The following MANEA variants were observed in gnomAD, a reference collection of about 807,000 sequenced individuals.
MANEA encodes mannosidase endo-alpha.
Under a neutral mutation model 36.8 loss-of-function variants are expected in MANEA, and 25 were observed. The observed-to-expected ratio is 0.68, with a 90% CI of 0.50 to 0.95. The LOEUF is 0.95. Ranked by LOEUF, MANEA falls within the 40% of genes least tolerant of loss-of-function variation. The pLI is 0.00. For missense variants in MANEA, 565 were observed against 558.8 expected, an observed-to-expected ratio of 1.01 and a Z score of -0.11; for synonymous variants, 198 against 188.5, an observed-to-expected ratio of 1.05 and a Z score of -0.41.
intron 1 of MANEA, among the ~76,000 whole-genome samples, chr6:95,578,898 G>T (rs1769126113): frequency 6.6e-6 from 1 of 152,098 alleles, no homozygotes; most frequent in Non-Finnish European, 1.5e-5. Context: ...AATTTGATTT[G>T]TCTAATACCT....
intron 2 of MANEA, among the ~76,000 whole-genome samples, chr6:95,590,484 G>T (rs1305022946): frequency 6.6e-6 from 1 of 152,000 alleles, no homozygotes. Flanking sequence ...TTTTAGTAAG[G>T]TTACAATTCT....
rs1192337263 is a variant in MANEA at position 95,606,777 on chromosome 6, T to G, written c.*372T>G. The G allele has an allele frequency of 1.3e-5, 2 of 153,430 alleles. No homozygotes were observed. Among genetic ancestry groups the G allele is most frequent in the East Asian group, 3.8e-4 (2 of 5,220 alleles). The allele number at this position is 153,430 out of a possible 1,614,324, so 9.5% of individuals were successfully genotyped here. On this transcript the variant is annotated 3_prime_UTR_variant, in exon 5 of 5. Coordinates refer to ENST00000358812, the MANE Select transcript of MANEA (RefSeq NM_024641.4). Reference sequence around the variant, plus strand: ...TCCTAGACCCAAATAAATAGGATTGTGTGTATATTTGGGATATCTATTGAA... The same window carrying G: ...TCCTAGACCCAAATAAATAGGATTGGGTGTATATTTGGGATATCTATTGAA...
chr6:95,595,313 G>A (rs1228111434), intron 2 of MANEA, among the ~76,000 whole-genome samples: 4 of 152,062 alleles, frequency 2.6e-5, no homozygotes, highest in South Asian at 2.1e-4. Flanking sequence ...ATGTTGGATT[G>A]TCTCCAGACA....
intron 1 of MANEA, 129 bp downstream of exon 1, chr6:95,577,767 C>T (rs1052701505): frequency 3.9e-5 from 6 of 152,392 alleles, no homozygotes; most frequent in African/African-American, 1.2e-4. Flanking sequence ...CTCCGGGCGC[C>T]CTTTGACCCG....
chr6:95,579,249 T>G (rs1242367003), intron 1 of MANEA, among the ~76,000 whole-genome samples: 1 of 152,158 alleles, frequency 6.6e-6, no homozygotes, highest in African/African-American at 2.4e-5. Flanking sequence ...AGCGTGCGCC[T>G]GTAGTCCCAG....
At chr6:95,578,659 C>G (rs1182966625) in intron 1 of MANEA, among the ~76,000 whole-genome samples, 3 of 152,090 alleles carry the variant, frequency 2.0e-5, no homozygotes, top group Non-Finnish European at 2.9e-5. Flanking sequence ...AACAAAAAAT[C>G]ACAACAATGA....
In MANEA at chr6:95,606,443, A is replaced by C; in HGVS notation, c.*38A>C. On this transcript the variant is annotated 3_prime_UTR_variant, in exon 5 of 5. Coordinates refer to ENST00000358812, the MANE Select transcript of MANEA (RefSeq NM_024641.4). The stretch of plus-strand genomic sequence containing the variant: ...AGTTTAATAGTTATCAAAATCACCT[A>C]ATTTTTAAAAATAGCTTTCGTTTTG... The C allele has an allele frequency of 6.9e-7, 1 of 1,453,126 alleles. No homozygotes were observed. The highest frequency in any genetic ancestry group is 9.2e-7 in the Non-Finnish European group (1 of 1,086,298). The allele number at this position is 1,453,126 out of a possible 1,614,324, so 90.0% of individuals were successfully genotyped here.
chr6:95,605,913 T>C lies in MANEA; in HGVS notation c.897T>C (p.Phe299=), dbSNP rs372725937. The stretch of plus-strand genomic sequence containing the variant: ...GCAATTCTCCTTATGATGGACTGTT[T>C]ATTGCCCTTCTGGTAGAAGAAAAAC... ...SIRNSPYDGL[F]IALLVEEKHK... Residue 299 remains phenylalanine (F), a synonymous_variant, in exon 5 of 5, where the codon TTT becomes TTC. Transcript: ENST00000358812. The C allele has an allele frequency of 7.8e-5, 126 of 1,613,946 alleles. No homozygotes were observed. In the African/African-American group the frequency reaches 1.6e-3, roughly 20 times the overall value.
rs1343122121 is a variant in MANEA, at chr6:95,605,915, T to C, written c.899T>C (p.Ile300Thr). 1.2e-6 allele frequency: 2 copies of C among 1,613,986 alleles called. No homozygotes were observed. Among genetic ancestry groups the C allele is most frequent in the Non-Finnish European group, 1.7e-6 (2 of 1,179,996 alleles). Residue 300 changes from isoleucine to threonine, a missense_variant, in exon 5 of 5, where the codon ATT (isoleucine) becomes ACT (threonine). By Grantham distance (89) the Ile-to-Thr change is moderately conservative (BLOSUM62 -1). Coordinates refer to ENST00000358812, the MANE Select transcript of MANEA (RefSeq NM_024641.4). The part of the protein sequence containing the change: ...IRNSPYDGLF[I>T]ALLVEEKHKY... ...AATTCTCCTTATGATGGACTGTTTA[T>C]TGCCCTTCTGGTAGAAGAAAAACAT...
intron 1 of MANEA, among the ~76,000 whole-genome samples, chr6:95,578,388 A>T (rs1769114239): frequency 6.6e-6 from 1 of 152,232 alleles, no homozygotes; most frequent in African/African-American, 2.4e-5. Context: ...CTATAAAACA[A>T]CAACAAGGGG....
intron 1 of MANEA, among the ~76,000 whole-genome samples, chr6:95,578,386 C>T (rs574240198): frequency 4.7e-5 from 7 of 148,672 alleles, no homozygotes; most frequent in African/African-American, 1.7e-4. Flanking sequence ...TGCTATAAAA[C>T]AACAACAAGG....
chr6:95,587,390 A>G (rs1214079520), intron 2 of MANEA: 2 of 182,506 alleles, frequency 1.1e-5, no homozygotes. Context: ...AAGTCTCATC[A>G]TAATTCCTTT....
intron 4 of MANEA, among the ~76,000 whole-genome samples, chr6:95,605,167 T>C (rs919996259): frequency 5.3e-4 from 80 of 152,266 alleles, no homozygotes; most frequent in African/African-American, 1.9e-3. Context: ...GTAGTTTTGA[T>C]ATTTTAAAAT....
intron 3 of MANEA, among the ~76,000 whole-genome samples, chr6:95,602,998 G>A (rs934635906): frequency 1.4e-4 from 19 of 137,620 alleles, no homozygotes; most frequent in African/African-American, 4.7e-4. Context: ...CCGCAGTCCG[G>A]CCTGGGCGAC....
intron 2 of MANEA, chr6:95,587,195 G>T: frequency 2.1e-6 from 1 of 474,818 alleles, no homozygotes; most frequent in South Asian, 5.2e-5. Context: ...TTTACATTTT[G>T]GAGCATTTCT....
chr6:95,584,770 C>T (rs890845395), intron 1 of MANEA, among the ~76,000 whole-genome samples: 13 of 152,068 alleles, frequency 8.5e-5, no homozygotes, highest in Non-Finnish European at 1.5e-4. Context: ...ATGGTCCTAC[C>T]GATATGTGAT....
In MANEA at chr6:95,586,665, T is replaced by C. The variant is rs375123676; in HGVS notation, c.226T>C (p.Leu76=). The C allele has an allele frequency of 1.4e-5, 22 of 1,613,870 alleles. No homozygotes were observed. The highest frequency in any genetic ancestry group is 1.9e-5 in the Non-Finnish European group (22 of 1,179,962). ...CAACAGTGAAACAAATACCAAGAAT[T>C]TAAAAAGTGTTGAAATCACTATGAA... ...RINSETNTKN[L]KSVEITMKPS... is the part of the protein sequence containing the mutation. Residue 76 remains leucine, a synonymous_variant, in exon 2 of 5, where the codon TTA becomes CTA. Transcript: ENST00000358812.
At chr6:95,581,177 C>T (rs978206890) in intron 1 of MANEA, among the ~76,000 whole-genome samples, 1 of 152,154 alleles carries the variant, frequency 6.6e-6, no homozygotes, top group East Asian at 1.9e-4. Flanking sequence ...ATTTGAACTA[C>T]AGAGCTCATA....
At chr6:95,581,029 A>T (rs1769169667) in intron 1 of MANEA, among the ~76,000 whole-genome samples, 1 of 152,196 alleles carries the variant, frequency 6.6e-6, no homozygotes, top group South Asian at 2.1e-4. Context: ...TACAATATTA[A>T]CTAATTTCAT....
Sources: gnomAD v4.1 joint callset for allele counts (sites outside exome capture counted in the v4.1 genomes callset) on GRCh38, gnomAD v4.1.1 for gene constraint, MANE v1.5 for transcripts, NCBI Gene and HGNC (gene_info 2026-07-23, HGNC 2026-07-21) for gene names.